Variants in FBXO32 observed in about 807,000 individuals in gnomAD.
FBXO32 encodes the protein F-box only protein 32.
A neutral mutation model predicts 48.3 loss-of-function variants in FBXO32; 15 were observed. That is an observed-to-expected ratio of 0.31 (90% CI 0.21 to 0.48). The LOEUF (loss-of-function observed/expected upper bound fraction) is 0.48, where lower values mean the gene tolerates loss of function less well. Among genes scored for constraint, FBXO32 ranks in the 20% least tolerant of loss-of-function variants. The pLI is 0.99. For synonymous variants in FBXO32, 154 were observed against 165.9 expected (o/e 0.93, Z 0.55); for missense variants, 309 against 432.7 (o/e 0.71, Z 2.54).
rs1159413920 is a variant in FBXO32, at chr8:123,540,251, T to C, written c.116+648A>G. ...AGAAGCAGAGCTCTTGTGGGATTCATCCCCTGCCCCCTTCCCTCCTTTGCA... is the reference window on the plus strand; with the variant it reads ...AGAAGCAGAGCTCTTGTGGGATTCACCCCCTGCCCCCTTCCCTCCTTTGCA... On this transcript the variant is annotated intron_variant, in intron 1 of 8. Coordinates refer to ENST00000517956, the MANE Select transcript of FBXO32 (RefSeq NM_058229.4). This position sits in a 1 kb window ranked among gnomAD's most constrained non-coding sequence, Gnocchi z 6.4. 2.0e-5 allele frequency among the ~76,000 whole-genome samples: 3 copies of C among 152,072 alleles called. No individual in the cohort carries two copies. Among genetic ancestry groups the C allele is most frequent in the Non-Finnish European group, 2.9e-5 (2 of 67,996 alleles).
Position 123,513,370 on chromosome 8 carries a change from T to C in FBXO32, c.479A>G (p.Gln160Arg). 1 of 1,613,984 alleles carries C rather than the reference T, an allele frequency of 6.2e-7. No individual in the cohort carries two copies. Among genetic ancestry groups the C allele is most frequent in the Non-Finnish European group, 8.5e-7 (1 of 1,179,858 alleles). The change falls in exon 6 of 9, where the codon CAG becomes CGG. Residue 160 changes from glutamine to arginine, a missense_variant. Gln to Arg is a conservative substitution (Grantham distance 43, BLOSUM62 1). Transcript: ENST00000517956. The surrounding 1 kb of genome is among the most constrained non-coding windows in gnomAD (Gnocchi z 4.3). ...EKVVLKVLED[Q>R]QNIRLIRELL... ...TTCCCTTATTAGTCTAATGTTTTGCTGGTCTTCAAGGACTTGAGTAGGGAA... is the reference window on the plus strand; with the variant it reads ...TTCCCTTATTAGTCTAATGTTTTGCCGGTCTTCAAGGACTTGAGTAGGGAA...
intron 4 of FBXO32, among the ~76,000 whole-genome samples, 191 bp from the exon 5 acceptor site, chr8:123,514,524 G>A (rs1816799942): frequency 1.3e-5 from 2 of 152,202 alleles, no homozygotes; most frequent in Admixed American, 1.3e-4. Flanking sequence ...ACCCAGGATT[G>A]GGTTGAATAT....
In FBXO32 at chr8:123,541,000, C is replaced by T; in HGVS notation, c.15G>A (p.Gly5=). The T allele has an allele frequency of 6.2e-7, 1 of 1,610,110 alleles. No homozygotes were observed. The highest frequency in any genetic ancestry group is 8.5e-7 in the Non-Finnish European group (1 of 1,177,758). Residue 5 remains glycine, a synonymous_variant, in exon 1 of 9, where the codon GGG becomes GGA. Transcript: ENST00000517956. The surrounding 1 kb of genome is among the most constrained non-coding windows in gnomAD (Gnocchi z 6.4). MPFL[G]QDWRSPGQNW... Reference sequence around the variant, plus strand: ...TCTGCCCGGGGGACCGCCAGTCCTGCCCGAGGAATGGCATGGCACCGCGAG... The same window carrying T: ...TCTGCCCGGGGGACCGCCAGTCCTGTCCGAGGAATGGCATGGCACCGCGAG...
At chr8:123,521,290 GA>G (rs1339194302) in intron 4 of FBXO32, among the ~76,000 whole-genome samples, 6 of 152,328 alleles carry the variant, frequency 3.9e-5, no homozygotes, top group Admixed American at 1.3e-4. Context: ...TTGAATCAAA[GA>G]GTGTTGTAGC....
At chr8:123,516,465 AT>A (rs1816841946) in intron 4 of FBXO32, among the ~76,000 whole-genome samples, 1 of 152,198 alleles carries the variant, frequency 6.6e-6, no homozygotes, top group African/African-American at 2.4e-5. Flanking sequence ...AACACTGAGC[AT>A]GACACTGTGG....
chr8:123,522,031 CA>C (rs1816966473), intron 4 of FBXO32, among the ~76,000 whole-genome samples: 2 of 152,110 alleles, frequency 1.3e-5, no homozygotes, highest in African/African-American at 4.8e-5. Context: ...AAAAAAATTT[CA>C]GCGACATTAA....
intron 4 of FBXO32, among the ~76,000 whole-genome samples, chr8:123,518,646 G>A (rs1346508605): frequency 3.3e-5 from 5 of 152,148 alleles, no homozygotes; most frequent in Non-Finnish European, 7.3e-5. Context: ...AGCAACTGCA[G>A]CTAAGCACTA....
At chr8:123,505,503 AG>A (rs1390138431) in intron 7 of FBXO32, among the ~76,000 whole-genome samples, 3 of 152,256 alleles carry the variant, frequency 2.0e-5, no homozygotes, top group African/African-American at 7.2e-5. Flanking sequence ...TGGGAGGCCG[AG>A]GCAGGCGGAT....
chr8:123,507,250 T>G (rs1816644719), intron 6 of FBXO32, among the ~76,000 whole-genome samples: 1 of 152,210 alleles, frequency 6.6e-6, no homozygotes, highest in Admixed American at 6.5e-5. Flanking sequence ...AAAGAAACTT[T>G]GAAAGGAACA....
At chr8:123,534,136 A>AAC (rs1171764178) in intron 2 of FBXO32, among the ~76,000 whole-genome samples, 13 of 150,616 alleles carry the variant, frequency 8.6e-5, no homozygotes, top group Non-Finnish European at 1.8e-4. Flanking sequence ...AAAAAAAAAA[A>AAC]CACCCCTAAT....
Position 123,513,938 on chromosome 8 carries a change from C to A in FBXO32, c.466+302G>T. On this transcript the variant is annotated intron_variant, in intron 5 of 8. Transcript: ENST00000517956. This position sits in a 1 kb window ranked among gnomAD's most constrained non-coding sequence, Gnocchi z 4.3. ...ATGTCGATTTTCTAGGAATTTGGGA[C>A]CCGGAGGCTCGGTAGCCAGTGTTGG... 1 of 303,186 alleles carries A rather than the reference C, an allele frequency of 3.3e-6. No individual in the cohort carries two copies. The highest frequency in any genetic ancestry group is 6.0e-6 in the Non-Finnish European group (1 of 165,450). The allele number at this position is 303,186 out of a possible 1,614,324, so 18.8% of individuals were successfully genotyped here.
At chr8:123,517,434 C>A (rs1816861030) in intron 4 of FBXO32, among the ~76,000 whole-genome samples, 1 of 151,726 alleles carries the variant, frequency 6.6e-6, no homozygotes, top group African/African-American at 2.4e-5. Flanking sequence ...GACATGTTAA[C>A]CATTCTGTGC....
intron 4 of FBXO32, among the ~76,000 whole-genome samples, chr8:123,531,532 T>G (rs1014819171): frequency 6.6e-6 from 1 of 152,254 alleles, no homozygotes; most frequent in African/African-American, 2.4e-5. Flanking sequence ...TGCTGAATTC[T>G]CTCTTGCTAA....
At chr8:123,535,217 G>A (rs1817287295) in intron 1 of FBXO32, among the ~76,000 whole-genome samples, 1 of 151,878 alleles carries the variant, frequency 6.6e-6, no homozygotes, top group Non-Finnish European at 1.5e-5. Context: ...TTTTGCAAAA[G>A]TATCTACCCC....
intron 4 of FBXO32, chr8:123,526,903 C>T (rs1817088926): frequency 6.6e-6 from 1 of 151,976 alleles, no homozygotes; most frequent in Admixed American, 6.6e-5. Context: ...ATACTCTAGG[C>T]TTGCAGGCTA....
intron 6 of FBXO32, among the ~76,000 whole-genome samples, chr8:123,510,341 G>A (rs778385516): frequency 2.6e-5 from 4 of 152,222 alleles, no homozygotes; most frequent in Non-Finnish European, 5.9e-5. Flanking sequence ...GCCGGGCGCG[G>A]TGGCTCATGC....
At chr8:123,528,818 A>T (rs1563925684) in intron 4 of FBXO32, among the ~76,000 whole-genome samples, 2 of 152,180 alleles carry the variant, frequency 1.3e-5, no homozygotes, top group Non-Finnish European at 2.9e-5. Context: ...TTTGGCTCTC[A>T]AGGCTTTGAA....
At chr8:123,505,209 G>A (rs1816589903) in intron 7 of FBXO32, among the ~76,000 whole-genome samples, 1 of 152,112 alleles carries the variant, frequency 6.6e-6, no homozygotes, top group Admixed American at 6.6e-5. Context: ...AAAGAAACTG[G>A]AAAAAGACCA....
intron 8 of FBXO32, among the ~76,000 whole-genome samples, chr8:123,504,022 A>G (rs1187966462): frequency 6.6e-5 from 10 of 151,494 alleles, no homozygotes; most frequent in Non-Finnish European, 1.5e-4. Flanking sequence ...GGAGGTTGCA[A>G]TGAGCCGAGG....
Sources: allele counts gnomAD v4.1 joint callset (sites outside exome capture counted in the v4.1 genomes callset), GRCh38; gene constraint gnomAD v4.1.1; non-coding constraint Gnocchi (gnomAD v3.1); transcripts MANE v1.5; gene names NCBI Gene and HGNC (gene_info 2026-07-23, HGNC 2026-07-21).